The following PIK3R4 variants were observed in gnomAD, a reference collection of about 807,000 sequenced individuals.
PIK3R4 encodes phosphoinositide 3-kinase regulatory subunit 4.
A neutral mutation model predicts 136.5 loss-of-function variants in PIK3R4; 46 were observed. That is an observed-to-expected ratio of 0.34 (90% CI 0.27 to 0.43). The LOEUF (loss-of-function observed/expected upper bound fraction) is 0.43. Ranked by LOEUF, PIK3R4 falls within the 20% of genes least tolerant of loss-of-function variation. The probability of loss-of-function intolerance (pLI) is 1.00; values close to 1 mark genes in which losing one functional copy is unlikely to be tolerated. For missense variants in PIK3R4, 1,331 were observed against 1,649.5 expected, an observed-to-expected ratio of 0.81 and a Z score of 3.35; for synonymous variants, 557 against 566.7, an observed-to-expected ratio of 0.98 and a Z score of 0.24.
chr3:130,736,907 A>G (rs1454829760), intron 2 of PIK3R4, among the ~76,000 whole-genome samples: 5 of 152,250 alleles, frequency 3.3e-5, no homozygotes, highest in Non-Finnish European at 7.3e-5. Context: ...AAGATTAGGG[A>G]GAGGAAAAGA....
At chr3:130,705,859 T>C in intron 11 of PIK3R4, 88 bp from the exon 12 acceptor site, 1 of 696,976 alleles carries the variant, frequency 1.4e-6, no homozygotes, top group Non-Finnish European at 2.4e-6. Flanking sequence ...ATCTATAAAT[T>C]ATAACAGCTT....
At position 130,724,624 on chromosome 3, in the gene PIK3R4, C is replaced by T. The variant is rs142993453; in HGVS notation, c.1808-1037G>A. ...AACCAAACAATAAAAAAGAGAGACA[C>T]AGGTAAAGAGAAAGAAAAGGGGCAC... On this transcript the variant is annotated intron_variant, in intron 6 of 19. Coordinates refer to ENST00000356763, the MANE Select transcript of PIK3R4 (RefSeq NM_014602.3). Among the ~76,000 whole-genome samples, 1,405 of 152,038 alleles carry T rather than the reference C, an allele frequency of 9.2e-3. 20 individuals are homozygous for T. The highest frequency in any genetic ancestry group is 0.052 in the East Asian group (271 of 5,180).
At chr3:130,723,098 T>TAAAAAAAAAAAAAAAAAAAAAAA (rs2066712022) in intron 7 of PIK3R4, among the ~76,000 whole-genome samples, 1 of 63,704 alleles carries the variant, frequency 1.6e-5, no homozygotes, top group African/African-American at 6.3e-5. Context: ...AAAAAAAAAA[T>TAAAAAAAAAAAAAAAAAAAAAAA]TAAAAATAAA....
At chr3:130,686,086 A>G (rs2066488015) in intron 15 of PIK3R4, 125 bp downstream of exon 15, 2 of 640,354 alleles carry the variant, frequency 3.1e-6, no homozygotes, top group Non-Finnish European at 5.6e-6. Context: ...TAACATGACT[A>G]TGAAAAAAAA....
rs991701357 is a variant in PIK3R4, at chr3:130,746,654, C to A, written c.-383G>T. The A allele has an allele frequency of 8.5e-5, 13 of 152,320 alleles. No individual in the cohort carries two copies. Among genetic ancestry groups the A allele is most frequent in the African/African-American group, 2.7e-4 (11 of 41,452 alleles). The allele number at this position is 152,320 out of a possible 1,614,324, so 9.4% of individuals were successfully genotyped here. A position where few individuals can be genotyped will look rare whatever the true frequency, so the allele number is the denominator to read the frequency against. On this transcript the variant is annotated 5_prime_UTR_variant, in exon 1 of 20. Coordinates refer to ENST00000356763, the MANE Select transcript of PIK3R4 (RefSeq NM_014602.3). ...GACATGCGTTCCCGGGCCTCGTCTT[C>A]CTCTAGCGCGGATCGCTACACCCGT...
intron 6 of PIK3R4, among the ~76,000 whole-genome samples, chr3:130,727,631 C>A (rs2066740640): frequency 6.6e-6 from 1 of 152,128 alleles, no homozygotes; most frequent in African/African-American, 2.4e-5. Context: ...TAAACTGTTA[C>A]AACTATGTGG....
chr3:130,743,979 C>G (rs2066839277), intron 2 of PIK3R4, among the ~76,000 whole-genome samples: 1 of 152,194 alleles, frequency 6.6e-6, no homozygotes, highest in African/African-American at 2.4e-5. Flanking sequence ...CGAAAGTTAA[C>G]TCCCAATCAA....
intron 15 of PIK3R4, among the ~76,000 whole-genome samples, chr3:130,684,691 T>C (rs1190435947): frequency 1.7e-4 from 26 of 152,196 alleles, no homozygotes; most frequent in Admixed American, 1.7e-3. Flanking sequence ...ACAGAAGCTA[T>C]TGAGAAGATA....
intron 2 of PIK3R4, among the ~76,000 whole-genome samples, chr3:130,743,423 T>C (rs1259096470): frequency 1.3e-5 from 2 of 152,046 alleles, no homozygotes; most frequent in Admixed American, 1.3e-4. Context: ...TAAAAAATAA[T>C]AATAAATTAA....
At chr3:130,693,491 T>C (rs766740665) in intron 13 of PIK3R4, among the ~76,000 whole-genome samples, 1 of 152,192 alleles carries the variant, frequency 6.6e-6, no homozygotes, top group Non-Finnish European at 1.5e-5. Context: ...ATAGCCATTG[T>C]AGTGGGTGTG....
intron 14 of PIK3R4, 47 bp from the exon 15 acceptor site, chr3:130,686,469 A>G (rs1576450155): frequency 1.8e-6 from 2 of 1,090,794 alleles, no homozygotes; most frequent in Non-Finnish European, 1.4e-6. Flanking sequence ...CTGAAAACAT[A>G]GCACTAGTCT....
At chr3:130,690,900 T>TC (rs2066514412) in intron 13 of PIK3R4, among the ~76,000 whole-genome samples, 1 of 150,218 alleles carries the variant, frequency 6.7e-6, no homozygotes, top group African/African-American at 2.5e-5. Flanking sequence ...TCCTCTTTTT[T>TC]TTTTTTTTTT....
chr3:130,692,456 T>C (rs1456466844), intron 13 of PIK3R4, among the ~76,000 whole-genome samples: 2 of 152,234 alleles, frequency 1.3e-5, no homozygotes, highest in East Asian at 1.9e-4. Flanking sequence ...AATACAGTCA[T>C]ACATTGTGTG....
intron 19 of PIK3R4, 42 bp from the exon 20 acceptor site, chr3:130,679,527 C>T (rs890824189): frequency 5.5e-6 from 8 of 1,464,722 alleles, no homozygotes; most frequent in Non-Finnish European, 7.5e-6. Flanking sequence ...GGTTAAAAGT[C>T]TGTACCACAT....
rs1416067358 is a variant in PIK3R4 at position 130,684,522 on chromosome 3, CATG to C, written c.3476-144_3476-142del. 2.0e-5 allele frequency: 14 copies of C among 683,042 alleles called. No individual in the cohort carries two copies. In the African/African-American group the frequency reaches 2.2e-4, roughly 11 times the overall value. The allele number at this position is 683,042 out of a possible 1,614,324, so 42.3% of individuals were successfully genotyped here. A position where few individuals can be genotyped will look rare whatever the true frequency, so the allele number is the denominator to read the frequency against. On this transcript the variant is annotated intron_variant, in intron 15 of 19. Coordinates refer to ENST00000356763, the MANE Select transcript of PIK3R4 (RefSeq NM_014602.3). ...GTTACTTAAAAAAAAGTTTTGTTCT[CATG>C]AAGCTGTCTCACCATTTTCAAACAA...
At chr3:130,692,747 G>C (rs2066526040) in intron 13 of PIK3R4, among the ~76,000 whole-genome samples, 1 of 152,224 alleles carries the variant, frequency 6.6e-6, no homozygotes, top group Non-Finnish European at 1.5e-5. Context: ...CTGTAAATGA[G>C]TAAAGACAGC....
intron 12 of PIK3R4, 103 bp from the exon 13 acceptor site, chr3:130,703,991 A>C (rs542457317): frequency 1.3e-6 from 1 of 743,386 alleles, no homozygotes; most frequent in Non-Finnish European, 2.2e-6. Context: ...AAACAATCAT[A>C]AGAACTAAAA....
intron 3 of PIK3R4, among the ~76,000 whole-genome samples, chr3:130,734,332 G>C (rs971887970): frequency 1.3e-5 from 2 of 152,070 alleles, no homozygotes; most frequent in Middle Eastern, 3.2e-3. Flanking sequence ...ATAAAGAGGA[G>C]GTTATACCAT....
At chr3:130,710,581 G>A (rs2107610032) in intron 9 of PIK3R4, among the ~76,000 whole-genome samples, 1 of 151,892 alleles carries the variant, frequency 6.6e-6, no homozygotes, top group African/African-American at 2.4e-5. Context: ...ATTTAAATAA[G>A]GCAAGGAAAA....
Sources: allele counts gnomAD v4.1 joint callset (sites outside exome capture counted in the v4.1 genomes callset), GRCh38; gene constraint gnomAD v4.1.1; transcripts MANE v1.5; gene names NCBI Gene and HGNC (gene_info 2026-07-23, HGNC 2026-07-21).